Variants in USH2A observed in about 807,000 individuals in gnomAD.
The protein encoded by USH2A is Usher syndrome 2A (autosomal recessive, mild).
USH2A carries 443 observed loss-of-function variants against 538.9 expected under a neutral mutation model. The ratio of observed to expected loss-of-function variants is 0.82; its 90% confidence interval spans 0.76 to 0.89. USH2A has a LOEUF of 0.89. USH2A is among the 40% of genes least tolerant of loss of function. USH2A has a pLI of 0.00. For synonymous variants in USH2A, 2,413 were observed against 2,273.5 expected (o/e 1.06, Z -1.75); for missense variants, 6,633 against 6,324.8 (o/e 1.05, Z -1.65).
chr1:215,752,646 T>G (rs2102735978), intron 58 of USH2A, among the ~76,000 whole-genome samples: 1 of 152,278 alleles, frequency 6.6e-6, no homozygotes, highest in South Asian at 2.1e-4. Flanking sequence ...ATTGTTGCAA[T>G]GTGGATATTT....
chr1:215,944,589 A>T (rs1666714018), intron 37 of USH2A, among the ~76,000 whole-genome samples: 1 of 152,194 alleles, frequency 6.6e-6, no homozygotes, highest in Admixed American at 6.5e-5. Context: ...GAAGCTGGAC[A>T]AAAATAAGTT....
chr1:215,790,637 G>T (rs1422759834), intron 50 of USH2A, among the ~76,000 whole-genome samples: 1 of 152,096 alleles, frequency 6.6e-6, no homozygotes, highest in Admixed American at 6.5e-5. Flanking sequence ...TAAACTATAG[G>T]GACTCTGAGA....
At chr1:216,315,601 C>A (rs2102642975) in intron 9 of USH2A, among the ~76,000 whole-genome samples, 1 of 152,110 alleles carries the variant, frequency 6.6e-6, no homozygotes, top group Non-Finnish European at 1.5e-5. Context: ...TTATTGTACA[C>A]AAATCACACT....
chr1:216,167,669 C>T (rs1349264690), intron 21 of USH2A, among the ~76,000 whole-genome samples: 3 of 152,100 alleles, frequency 2.0e-5, no homozygotes, highest in Non-Finnish European at 4.4e-5. Context: ...AAGTAAAGGT[C>T]AAATCATCTC....
In USH2A at chr1:215,675,555, A is replaced by G. The variant is rs776587395; in HGVS notation, c.12356T>C (p.Phe4119Ser). ...GAGAGTGAAAGGATCCAGGCGGCGG[A>G]AGAGAAACTGACGATTCAAACCAGA... ...EYSGLNRQFL[F>S]RRLDPFTLYT... Residue 4119 changes from phenylalanine to serine, a missense_variant, in exon 63 of 72, where the codon TTC becomes TCC. Phe to Ser is a radical substitution (Grantham distance 155). Transcript: ENST00000307340. The G allele has an allele frequency of 4.3e-6, 7 of 1,613,990 alleles. No homozygotes were observed. The highest frequency in any genetic ancestry group is 2.7e-5 in the African/African-American group (2 of 74,908).
chr1:216,382,773 A>G (rs1417721893), intron 3 of USH2A, among the ~76,000 whole-genome samples: 2 of 152,188 alleles, frequency 1.3e-5, no homozygotes, highest in East Asian at 3.9e-4. Flanking sequence ...GCCCTTGGAA[A>G]TAGGGGTTTG....
intron 54 of USH2A, 85 bp from the exon 55 acceptor site, chr1:215,780,126 AT>A: frequency 6.7e-7 from 1 of 1,483,394 alleles, no homozygotes; most frequent in East Asian, 2.3e-5. Context: ...TTGTTTTAAA[AT>A]GTTGTCTGGC....
intron 38 of USH2A, among the ~76,000 whole-genome samples, chr1:215,904,803 T>G (rs1223289426): frequency 6.6e-6 from 1 of 152,052 alleles, no homozygotes; most frequent in Non-Finnish European, 1.5e-5. Context: ...AGGAAGTGGG[T>G]TTTTAATAAA....
rs1388252786 is a variant in USH2A at position 215,993,535 on chromosome 1, C to T, written c.6658-368G>A. Among the ~76,000 whole-genome samples the T allele has an allele frequency of 2.0e-5, 3 of 151,970 alleles. No individual in the cohort carries two copies. In the East Asian group the frequency reaches 5.8e-4, roughly 29 times the overall value. Reference sequence around the variant, plus strand: ...ACACACACACACACACACACACACACACACAGCATGTGTACACATAACATA... The same window carrying T: ...ACACACACACACACACACACACACATACACAGCATGTGTACACATAACATA... On this transcript the variant is annotated intron_variant, in intron 34 of 71. Coordinates refer to ENST00000307340, the MANE Select transcript of USH2A (RefSeq NM_206933.4).
intron 37 of USH2A, among the ~76,000 whole-genome samples, chr1:215,959,303 T>C (rs77563718): frequency 0.026 from 3,923 of 152,256 alleles, 73 homozygotes; most frequent in Middle Eastern, 0.085. Context: ...GGTTTCTTTT[T>C]TTCAGGACCA....
intron 44 of USH2A, among the ~76,000 whole-genome samples, chr1:215,863,948 G>A (rs914481789): frequency 6.6e-6 from 1 of 152,092 alleles, no homozygotes; most frequent in Admixed American, 6.6e-5. Context: ...CAGTAAAGTA[G>A]ACAATATTTT....
intron 3 of USH2A, among the ~76,000 whole-genome samples, chr1:216,412,115 T>A (rs2039499455): frequency 1.3e-5 from 2 of 152,292 alleles, no homozygotes; most frequent in South Asian, 4.1e-4. Context: ...TCTTTATATG[T>A]TCAAATTTAT....
chr1:215,920,092 A>C (rs78379245), intron 38 of USH2A, among the ~76,000 whole-genome samples: 1 of 151,820 alleles, frequency 6.6e-6, no homozygotes, highest in African/African-American at 2.4e-5. Context: ...TGAGAAAAAA[A>C]ATGTACATTT....
At chr1:215,930,863 C>T (rs780699964) in intron 38 of USH2A, among the ~76,000 whole-genome samples, 59 of 151,884 alleles carry the variant, frequency 3.9e-4, no homozygotes, top group Non-Finnish European at 5.3e-4. Flanking sequence ...CATTTGGATT[C>T]GTTTTTATTT....
At chr1:216,022,451 AATC>A (rs1303597022) in intron 32 of USH2A, among the ~76,000 whole-genome samples, 1 of 152,160 alleles carries the variant, frequency 6.6e-6, no homozygotes, top group Non-Finnish European at 1.5e-5. Context: ...CCATGAGAGA[AATC>A]GGAGCCAGGT....
intron 61 of USH2A, among the ~76,000 whole-genome samples, chr1:215,686,330 G>C (rs978294613): frequency 3.3e-5 from 5 of 152,034 alleles, no homozygotes; most frequent in African/African-American, 7.2e-5. Flanking sequence ...GTGAGGACTT[G>C]GGGAAGACTT....
At chr1:216,030,998 T>C (rs1202799140) in intron 32 of USH2A, among the ~76,000 whole-genome samples, 1 of 152,000 alleles carries the variant, frequency 6.6e-6, no homozygotes, top group Non-Finnish European at 1.5e-5. Context: ...TTTTTTCTTC[T>C]TGTATATCCA....
At chr1:216,126,275 G>A (rs1166587954) in intron 21 of USH2A, among the ~76,000 whole-genome samples, 1 of 152,130 alleles carries the variant, frequency 6.6e-6, no homozygotes, top group African/African-American at 2.4e-5. Context: ...CCAGGTTGGA[G>A]TGCAATGGCG....
In USH2A at chr1:216,050,636, G is replaced by A. The variant is rs1248269762; in HGVS notation, c.6050-1989C>T. 8.3e-5 allele frequency among the ~76,000 whole-genome samples: 7 copies of A among 84,708 alleles called. No homozygotes were observed. The East Asian group carries it at 9.1e-4, about 11-fold the overall frequency. 55.6% of individuals were successfully genotyped at this position (84,708 alleles called of 152,430 possible). On this transcript the variant is annotated intron_variant, in intron 30 of 71. Coordinates refer to ENST00000307340, the MANE Select transcript of USH2A (RefSeq NM_206933.4). ...TTTTTTTTTTTTGAGACAGAGTCTC[G>A]CTCAGTTGCCCAGGCTGGAGTGCTG...
Sources: gnomAD v4.1 joint callset for allele counts (sites outside exome capture counted in the v4.1 genomes callset) on GRCh38, gnomAD v4.1.1 for gene constraint, MANE v1.5 for transcripts, NCBI Gene and HGNC (gene_info 2026-07-23, HGNC 2026-07-21) for gene names.